MPDZ: variants seen among roughly 807,000 people sequenced by gnomAD.
MPDZ encodes multiple PDZ domain crumbs cell polarity complex component.
A neutral mutation model predicts 239.1 loss-of-function variants in MPDZ; 234 were observed. The ratio of observed to expected loss-of-function variants is 0.98; its 90% CI spans 0.88 to 1.09. The LOEUF is 1.09. MPDZ is among the 50% of genes least tolerant of loss of function. MPDZ has a pLI of 0.00. For synonymous variants in MPDZ, 1,048 were observed against 881.3 expected (o/e 1.19, Z -3.35); for missense variants, 3,175 against 2,510.0 (o/e 1.26, Z -5.66).
chr9:13,183,070 G>A (rs1330141825), intron 19 of MPDZ, among the ~76,000 whole-genome samples: 1 of 152,002 alleles, frequency 6.6e-6, no homozygotes, highest in Non-Finnish European at 1.5e-5. Context: ...AAACCATTAA[G>A]AAAATAAAGT....
At chr9:13,226,239 C>G (rs1249491996) in intron 3 of MPDZ, among the ~76,000 whole-genome samples, 3 of 152,068 alleles carry the variant, frequency 2.0e-5, no homozygotes, top group Non-Finnish European at 2.9e-5. Context: ...AAAGATCATC[C>G]CACTTTGGGA....
intron 3 of MPDZ, among the ~76,000 whole-genome samples, chr9:13,243,385 T>G (rs1965873343): frequency 6.6e-6 from 1 of 151,978 alleles, no homozygotes; most frequent in Admixed American, 6.6e-5. Flanking sequence ...TTGCTTTGCT[T>G]CTAGGAAACA....
chr9:13,228,891 G>A (rs1961500933), intron 3 of MPDZ, among the ~76,000 whole-genome samples: 2 of 152,094 alleles, frequency 1.3e-5, no homozygotes, highest in Non-Finnish European at 2.9e-5. Flanking sequence ...CTTTAAAAAT[G>A]ACTTTTTGAG....
At chr9:13,222,086 C>T (rs1488126195) in intron 6 of MPDZ, 147 bp downstream of exon 6, 6 of 602,914 alleles carry the variant, frequency 1.0e-5, no homozygotes, top group Non-Finnish European at 1.7e-5. Flanking sequence ...GCTTAAAGAA[C>T]AAATATTCCA....
chr9:13,212,237 CTCAAATGACAGAGAATAATACT>C (rs559854919), intron 10 of MPDZ, among the ~76,000 whole-genome samples: 160 of 152,060 alleles, frequency 1.1e-3, no homozygotes, highest in African/African-American at 3.4e-3. Flanking sequence ...GTATTCCTTA[CTCAAATGACAGAGAATAATACT>C]AGCACAGAAG....
intron 12 of MPDZ, among the ~76,000 whole-genome samples, chr9:13,200,656 T>G (rs898336047): frequency 2.0e-5 from 3 of 152,114 alleles, no homozygotes; most frequent in African/African-American, 4.8e-5. Context: ...ATTTCCTTTT[T>G]AATTTATTGA....
chr9:13,175,846 G>C lies in MPDZ; in HGVS notation c.2961C>G (p.Ser987=). ...TGACACACTCAGCATTACAGGCCAG[G>C]GAGCTCTGTTCAAGCAGGTACTCAG... ...KGSEYLLEQS[S]LACNAECVML... The change falls in exon 21 of 47, where the codon TCC becomes TCG. Residue 987 remains serine, a synonymous_variant. Transcript: ENST00000319217. 6.3e-7 allele frequency: 1 copy of C among 1,593,734 alleles called. No individual in the cohort carries two copies. The highest frequency in any genetic ancestry group is 8.5e-7 in the Non-Finnish European group (1 of 1,169,742).
intron 11 of MPDZ, among the ~76,000 whole-genome samples, chr9:13,205,693 C>T (rs1956905885): frequency 6.6e-6 from 1 of 152,144 alleles, no homozygotes; most frequent in Middle Eastern, 3.2e-3. Flanking sequence ...GAAATCTGCT[C>T]TATTCAGAAG....
chr9:13,272,052 C>G (rs1015468618), intron 1 of MPDZ, among the ~76,000 whole-genome samples: 29 of 152,242 alleles, frequency 1.9e-4, no homozygotes, highest in African/African-American at 6.7e-4. Flanking sequence ...TGGATATGTT[C>G]ACTATCTTGA....
At chr9:13,108,775 C>T (rs1941916164) in intron 46 of MPDZ, among the ~76,000 whole-genome samples, 161 bp downstream of exon 46, 1 of 151,844 alleles carries the variant, frequency 6.6e-6, no homozygotes, top group African/African-American at 2.4e-5. Flanking sequence ...TCAAATTGGA[C>T]AAAAATATTT....
chr9:13,223,731 G>C, intron 4 of MPDZ, 21 bp from the exon 5 acceptor site: 3 of 1,564,632 alleles, frequency 1.9e-6, no homozygotes, highest in Non-Finnish European at 2.6e-6. Flanking sequence ...AACAAAGCAA[G>C]AAATAAAACT....
chr9:13,182,126 C>A (rs899167910), intron 19 of MPDZ, among the ~76,000 whole-genome samples: 3 of 152,130 alleles, frequency 2.0e-5, no homozygotes, highest in African/African-American at 2.4e-5. Flanking sequence ...GAAAACAGTG[C>A]TAGACCTACG....
chr9:13,153,310 G>A (rs895260533), intron 24 of MPDZ, among the ~76,000 whole-genome samples: 3 of 152,044 alleles, frequency 2.0e-5, no homozygotes, highest in Admixed American at 6.6e-5. Flanking sequence ...AGTTTAAAAC[G>A]ACCTTACCAT....
At position 13,208,269 on chromosome 9, in the gene MPDZ, C is replaced by A. The variant is rs533690086; in HGVS notation, c.1291-2170G>T. Among the ~76,000 whole-genome samples, 3 of 152,182 alleles carry A rather than the reference C, an allele frequency of 2.0e-5. No homozygotes were observed. In the East Asian group the frequency reaches 5.8e-4, roughly 29 times the overall value. On this transcript the variant is annotated intron_variant, in intron 10 of 46. Coordinates refer to ENST00000319217, the MANE Select transcript of MPDZ (RefSeq NM_001378778.1). Reference sequence around the variant, plus strand: ...GGCCAGCCTGGGCAACATGCTGAAACCCTGTCTCTATAAAAAACAGAAAAA... The same window carrying A: ...GGCCAGCCTGGGCAACATGCTGAAAACCTGTCTCTATAAAAAACAGAAAAA...
chr9:13,243,709 T>A (rs535653549), intron 3 of MPDZ, among the ~76,000 whole-genome samples: 1 of 152,212 alleles, frequency 6.6e-6, no homozygotes, highest in Non-Finnish European at 1.5e-5. Context: ...CTACAGTTAT[T>A]TCAAGAGTTG....
chr9:13,218,746 T>G (rs1384905747), intron 8 of MPDZ, among the ~76,000 whole-genome samples: 1 of 152,006 alleles, frequency 6.6e-6, no homozygotes, highest in South Asian at 2.1e-4. Context: ...AGGACGTGTA[T>G]TTACTATAAG....
intron 19 of MPDZ, among the ~76,000 whole-genome samples, chr9:13,181,461 G>GGTGA (rs1953317136): frequency 6.6e-6 from 1 of 152,058 alleles, no homozygotes; most frequent in African/African-American, 2.4e-5. Context: ...ATAAAATGTT[G>GGTGA]CAGAGATTTT....
intron 1 of MPDZ, among the ~76,000 whole-genome samples, chr9:13,254,110 T>C (rs554497498): frequency 1.3e-5 from 2 of 152,300 alleles, no homozygotes; most frequent in African/African-American, 4.8e-5. Flanking sequence ...GACCATGCTC[T>C]ACATAAAGTG....
chr9:13,142,177 G>C (rs888463471), intron 27 of MPDZ, among the ~76,000 whole-genome samples: 1 of 152,012 alleles, frequency 6.6e-6, no homozygotes, highest in Non-Finnish European at 1.5e-5. Flanking sequence ...CAAATCTATA[G>C]ATGACATTTT....
Sources: allele counts gnomAD v4.1 joint callset (sites outside exome capture counted in the v4.1 genomes callset), GRCh38; gene constraint gnomAD v4.1.1; transcripts MANE v1.5; gene names NCBI Gene and HGNC (gene_info 2026-07-23, HGNC 2026-07-21).